NELL1: variants seen among roughly 807,000 people sequenced by gnomAD.
NELL1 encodes neural EGFL like 1.
Under a neutral mutation model 107.4 loss-of-function variants are expected in NELL1, and 76 were observed. That is an observed-to-expected ratio of 0.71 (90% confidence interval 0.59 to 0.86). The LOEUF (loss-of-function observed/expected upper bound fraction) is 0.86. Among genes scored for constraint, NELL1 ranks in the 40% least tolerant of loss-of-function variants. The probability of loss-of-function intolerance (pLI) is 0.00; values close to 1 mark genes in which losing one functional copy is unlikely to be tolerated. For synonymous variants in NELL1, 353 were observed against 341.2 expected (o/e 1.03, Z -0.38); for missense variants, 1,024 against 1,005.5 (o/e 1.02, Z -0.25).
At chr11:20,909,719 A>G (rs1285838050) in intron 5 of NELL1, among the ~76,000 whole-genome samples, 2 of 152,080 alleles carry the variant, frequency 1.3e-5, no homozygotes, top group Non-Finnish European at 1.5e-5. Context: ...TCTGCCCACC[A>G]TGCCTCAGCC....
intron 16 of NELL1, among the ~76,000 whole-genome samples, chr11:21,540,662 G>T (rs138078936): frequency 3.9e-5 from 6 of 151,992 alleles, no homozygotes; most frequent in Admixed American, 6.6e-5. Context: ...GAGAGTGAAG[G>T]GGGGAGGTAC....
At chr11:21,507,183 C>T (rs1435641967) in intron 15 of NELL1, among the ~76,000 whole-genome samples, 1 of 152,202 alleles carries the variant, frequency 6.6e-6, no homozygotes, top group Non-Finnish European at 1.5e-5. Flanking sequence ...CTGAGACATC[C>T]TGAACATACT....
intron 2 of NELL1, among the ~76,000 whole-genome samples, chr11:20,727,216 GTGTAAAAGTGT>G (rs1309889035): frequency 2.6e-5 from 4 of 152,196 alleles, no homozygotes; most frequent in Non-Finnish European, 5.9e-5. Context: ...CTCACCAACA[GTGTAAAAGTGT>G]TCCTATTTCT....
At chr11:21,556,698 GAAAATGTT>G (rs1465199095) in intron 16 of NELL1, among the ~76,000 whole-genome samples, 5 of 151,908 alleles carry the variant, frequency 3.3e-5, no homozygotes, top group Admixed American at 1.3e-4. Flanking sequence ...CAGAAATTGT[GAAAATGTT>G]AATGCAAGAA....
intron 2 of NELL1, among the ~76,000 whole-genome samples, chr11:20,762,171 A>C (rs1856435439): frequency 6.6e-6 from 1 of 152,174 alleles, no homozygotes; most frequent in Non-Finnish European, 1.5e-5. Flanking sequence ...TTGTTCCCTA[A>C]TTGTTTAGAA....
intron 12 of NELL1, among the ~76,000 whole-genome samples, chr11:21,016,758 G>A (rs1852574702): frequency 6.6e-6 from 1 of 152,136 alleles, no homozygotes; most frequent in South Asian, 2.1e-4. Context: ...CTTGGTACAT[G>A]ATTGTACCTA....
At chr11:21,323,652 A>T (rs1013781112) in intron 14 of NELL1, among the ~76,000 whole-genome samples, 1 of 152,090 alleles carries the variant, frequency 6.6e-6, no homozygotes, top group Non-Finnish European at 1.5e-5. Context: ...GTCACCTCAA[A>T]AAAAGCCTTT....
intron 13 of NELL1, among the ~76,000 whole-genome samples, chr11:21,218,381 A>G (rs928660933): frequency 6.6e-6 from 1 of 152,200 alleles, no homozygotes; most frequent in African/African-American, 2.4e-5. Context: ...AAGTGTACAT[A>G]TTTATAAGAT....
chr11:20,964,650 C>T (rs1197829511), intron 12 of NELL1, among the ~76,000 whole-genome samples: 1 of 152,206 alleles, frequency 6.6e-6, no homozygotes, highest in Non-Finnish European at 1.5e-5. Context: ...GCTCCCTCTT[C>T]TTCCACTACC....
chr11:20,827,366 C>T (rs1052495516), intron 3 of NELL1, among the ~76,000 whole-genome samples: 2 of 151,200 alleles, frequency 1.3e-5, no homozygotes, highest in Non-Finnish European at 3.0e-5. Context: ...ATTTTCAAGG[C>T]TTATAATTAG....
chr11:21,419,518 A>G lies in NELL1; in HGVS notation c.1645+48570A>G, dbSNP rs557162722. On this transcript the variant is annotated intron_variant, in intron 15 of 19. Coordinates refer to ENST00000357134, the MANE Select transcript of NELL1 (RefSeq NM_006157.5). ...TTCAGCTTTTCTCATAAATCTTTAC[A>G]GCAACTGTTGTCATCAACGGCATGT... 1.7e-4 allele frequency among the ~76,000 whole-genome samples: 26 copies of G among 152,256 alleles called. No individual in the cohort carries two copies. In the South Asian group the frequency reaches 5.2e-3, roughly 30 times the overall value.
intron 13 of NELL1, among the ~76,000 whole-genome samples, chr11:21,117,520 C>T (rs568502368): frequency 6.6e-5 from 10 of 152,048 alleles, no homozygotes; most frequent in South Asian, 2.1e-4. Context: ...TCACATCTGT[C>T]GTACCCACAG....
chr11:21,287,576 A>G (rs778304465), intron 14 of NELL1, among the ~76,000 whole-genome samples: 3 of 152,058 alleles, frequency 2.0e-5, no homozygotes, highest in Non-Finnish European at 4.4e-5. Context: ...TGGCATTCCA[A>G]CAAGACTATA....
intron 15 of NELL1, among the ~76,000 whole-genome samples, chr11:21,530,567 TATAGAA>T (rs1855967803): frequency 1.3e-5 from 2 of 152,088 alleles, no homozygotes; most frequent in South Asian, 4.1e-4. Flanking sequence ...TTGCAACAAT[TATAGAA>T]ATTGTTATAA....
chr11:21,028,979 A>T (rs188083056), intron 12 of NELL1, among the ~76,000 whole-genome samples: 1 of 152,298 alleles, frequency 6.6e-6, no homozygotes, highest in East Asian at 1.9e-4. Flanking sequence ...CTGTTACAAC[A>T]TAAGTTAAAT....
At chr11:20,958,554 G>A (rs1187802615) in intron 11 of NELL1, among the ~76,000 whole-genome samples, 1 of 152,106 alleles carries the variant, frequency 6.6e-6, no homozygotes, top group Non-Finnish European at 1.5e-5. Flanking sequence ...AGAAAACATG[G>A]AATGACATTT....
At chr11:20,999,043 A>C (rs1383815375) in intron 12 of NELL1, among the ~76,000 whole-genome samples, 2 of 152,192 alleles carry the variant, frequency 1.3e-5, no homozygotes, top group Non-Finnish European at 2.9e-5. Flanking sequence ...GTTTGCAAAA[A>C]AGACTCATAG....
intron 19 of NELL1, among the ~76,000 whole-genome samples, chr11:21,573,834 A>G (rs533462864): frequency 9.5e-4 from 144 of 151,914 alleles, no homozygotes; most frequent in African/African-American, 3.3e-3. Flanking sequence ...CATCCTGGAA[A>G]AGTTTCTAAG....
At chr11:20,770,605 A>T (rs1311940457) in intron 2 of NELL1, among the ~76,000 whole-genome samples, 1 of 152,240 alleles carries the variant, frequency 6.6e-6, no homozygotes, top group Non-Finnish European at 1.5e-5. Flanking sequence ...CCTCCTCAGC[A>T]GTGACTCTGG....
Sources: allele counts gnomAD v4.1 joint callset (sites outside exome capture counted in the v4.1 genomes callset), GRCh38; gene constraint gnomAD v4.1.1; transcripts MANE v1.5; gene names NCBI Gene and HGNC (gene_info 2026-07-23, HGNC 2026-07-21).